SHANK2: variants seen among roughly 807,000 people sequenced by gnomAD.
The protein encoded by SHANK2 is SH3 and multiple ankyrin repeat domains protein 2.
Under a neutral mutation model 133.7 loss-of-function variants are expected in SHANK2, and 43 were observed. The ratio of observed to expected loss-of-function variants is 0.32; its 90% CI spans 0.25 to 0.41. The LOEUF (loss-of-function observed/expected upper bound fraction) is 0.41, where lower values mean the gene tolerates loss of function less well. Ranked by LOEUF, SHANK2 falls within the 10% of genes least tolerant of loss-of-function variation. SHANK2 has a pLI of 1.00. For missense variants in SHANK2, 1,994 were observed against 2,235.8 expected, an observed-to-expected ratio of 0.89 and a Z score of 2.18; for synonymous variants, 1,017 against 952.8, an observed-to-expected ratio of 1.07 and a Z score of -1.24.
intron 11 of SHANK2, among the ~76,000 whole-genome samples, chr11:70,821,095 G>A (rs1192019016): frequency 6.6e-6 from 1 of 152,166 alleles, no homozygotes; most frequent in Non-Finnish European, 1.5e-5. Flanking sequence ...GAGCCTCTGG[G>A]GTGGGCTGAA....
intron 17 of SHANK2, among the ~76,000 whole-genome samples, chr11:70,561,000 A>G (rs1470669382): frequency 6.6e-6 from 1 of 152,228 alleles, no homozygotes; most frequent in Non-Finnish European, 1.5e-5. Context: ...GAGAAAAGAG[A>G]GCGCAGAGAT....
At chr11:70,620,902 C>T (rs1462713274) in intron 17 of SHANK2, among the ~76,000 whole-genome samples, 1 of 152,200 alleles carries the variant, frequency 6.6e-6, no homozygotes, top group Non-Finnish European at 1.5e-5. Context: ...CTTCTAGTCT[C>T]CAAATAAATG....
At chr11:71,227,678 T>C (rs10792565) in intron 1 of SHANK2, among the ~76,000 whole-genome samples, 1 of 151,888 alleles carries the variant, frequency 6.6e-6, no homozygotes, top group South Asian at 2.1e-4. Context: ...TCAGCAAGGA[T>C]ACAGAACTCA....
chr11:71,062,115 C>T lies in SHANK2; in HGVS notation c.1030-5557G>A, dbSNP rs954058866. ...GGATTACAGGCGCACGCCACCATGC[C>T]GGGCTAATTTTTGTATTTTCTGTAG... On this transcript the variant is annotated intron_variant, in intron 9 of 25. Transcript: ENST00000601538. 7.9e-5 allele frequency among the ~76,000 whole-genome samples: 12 copies of T among 151,486 alleles called. No individual in the cohort carries two copies. The East Asian group carries it at 1.4e-3, about 17-fold the overall frequency.
Position 70,473,012 on chromosome 11 carries a change from G to A in SHANK2, c.5407C>T (p.His1803Tyr). The change falls in exon 26 of 26, where the codon CAT (histidine) becomes TAT (tyrosine). Residue 1803 changes from histidine (H) to tyrosine (Y), a missense_variant. Around this residue, in one of 5 missense-constraint regions of SHANK2, gnomAD observed 42 missense variants for 79.9 expected, o/e 0.53. Coordinates refer to ENST00000601538, the MANE Select transcript of SHANK2 (RefSeq NM_012309.5). This position sits in a 1 kb window ranked among gnomAD's most constrained non-coding sequence, Gnocchi z 5.9. ...DWLESLNLGE[H>Y]KEAFMDNEID... ...TCATTGTCCATGAAGGCCTCTTTAT[G>A]TTCACCCAAGTTTAGACTTTCCAGC... is the stretch of plus-strand genomic sequence containing the variant. 6.2e-7 allele frequency: 1 copy of A among 1,614,240 alleles called. No homozygotes were observed. Among genetic ancestry groups the A allele is most frequent in the Non-Finnish European group, 8.5e-7 (1 of 1,180,040 alleles).
chr11:70,561,726 G>GC (rs1164203815), intron 17 of SHANK2, among the ~76,000 whole-genome samples: 3 of 150,432 alleles, frequency 2.0e-5, no homozygotes, highest in Admixed American at 1.3e-4. Context: ...TGGCAGGGGG[G>GC]GTCTCACTAT....
In SHANK2 at chr11:70,611,921, G is replaced by C. The variant is rs376133822; in HGVS notation, c.2061+47907C>G. ...AACTGGGCTGCTGCTGAAAGGGAAC[G>C]AGAAGCCTCGTTCCAAATTTACTTG... is the stretch of plus-strand genomic sequence containing the variant. On this transcript the variant is annotated intron_variant, in intron 17 of 25. Transcript: ENST00000601538. Among the ~76,000 whole-genome samples the C allele has an allele frequency of 4.6e-4, 65 of 139,930 alleles. 1 individual carries two copies. In the South Asian group the frequency reaches 0.016, roughly 34 times the overall value. The allele number at this position is 139,930 out of a possible 152,430, so 91.8% of individuals were successfully genotyped here.
intron 11 of SHANK2, among the ~76,000 whole-genome samples, chr11:70,842,673 C>T (rs561439492): frequency 1.3e-5 from 2 of 152,310 alleles, no homozygotes; most frequent in Admixed American, 6.5e-5. Flanking sequence ...TGCTGTGCCA[C>T]CTGGGATTCT....
In SHANK2 at chr11:70,832,257, T is replaced by TA. The variant is rs371401918; in HGVS notation, c.1175-11576dup. Among the ~76,000 whole-genome samples the TA allele has an allele frequency of 5.1e-3, 770 of 152,338 alleles. 5 individuals are homozygous for TA. The highest frequency in any genetic ancestry group is 0.017 in the African/African-American group (719 of 41,562). ...TCCCTGAATGAATACATTTAAGTTT[T>TA]AAAAAATCTGTAAGTGGATAGCAAG... On this transcript the variant is annotated intron_variant, in intron 11 of 25. Coordinates refer to ENST00000601538, the MANE Select transcript of SHANK2 (RefSeq NM_012309.5).
intron 1 of SHANK2, among the ~76,000 whole-genome samples, chr11:71,239,498 T>C (rs1039247518): frequency 2.0e-5 from 3 of 152,168 alleles, no homozygotes; most frequent in South Asian, 4.1e-4. Context: ...CTCACTATGC[T>C]GCCCAGGCTG....
chr11:70,499,255 G>A (rs527270764), intron 21 of SHANK2, among the ~76,000 whole-genome samples: 6 of 152,380 alleles, frequency 3.9e-5, no homozygotes, highest in Admixed American at 6.5e-5. Context: ...GCTGGGCCAC[G>A]GCTGCTGGTC....
intron 4 of SHANK2, among the ~76,000 whole-genome samples, chr11:71,114,287 C>T (rs906991074): frequency 6.6e-6 from 1 of 152,186 alleles, no homozygotes; most frequent in African/African-American, 2.4e-5. Context: ...TCTCTCCCTC[C>T]TTACTGCCCT....
intron 11 of SHANK2, 87 bp downstream of exon 11, chr11:70,896,411 TAGG>T: frequency 1.6e-6 from 1 of 635,790 alleles, no homozygotes; most frequent in Non-Finnish European, 2.9e-6. Context: ...AAACCAATCT[TAGG>T]AGAATTTTAA....
chr11:70,796,144 G>A (rs1487217325), intron 14 of SHANK2, among the ~76,000 whole-genome samples: 1 of 152,118 alleles, frequency 6.6e-6, no homozygotes, highest in Non-Finnish European at 1.5e-5. Flanking sequence ...GCCCTGGGTG[G>A]GGACCCTGTC....
chr11:70,952,258 G>T lies in SHANK2; in HGVS notation c.1108-55691C>A, dbSNP rs116349789. Among the ~76,000 whole-genome samples the T allele has an allele frequency of 5.9e-3, 904 of 152,328 alleles. 8 individuals carry two copies. Among genetic ancestry groups the T allele is most frequent in the African/African-American group, 0.021 (865 of 41,570 alleles). On this transcript the variant is annotated intron_variant, in intron 10 of 25. Coordinates refer to ENST00000601538, the MANE Select transcript of SHANK2 (RefSeq NM_012309.5). The stretch of plus-strand genomic sequence containing the variant: ...GGGCGTCTCTCCTGGCCGAGGTCTT[G>T]TGCCTCAGTAAATGCAGACCCAAAA...
chr11:70,658,104 G>C (rs2061425910), intron 17 of SHANK2, among the ~76,000 whole-genome samples: 3 of 151,702 alleles, frequency 2.0e-5, no homozygotes, highest in Admixed American at 2.0e-4. Context: ...AACCAAGAGT[G>C]ACCTATTTCA....
chr11:70,669,300 G>A (rs567452077), intron 15 of SHANK2: 1 of 152,452 alleles, frequency 6.6e-6, no homozygotes, highest in South Asian at 2.1e-4. Flanking sequence ...TCCATGCAGG[G>A]TGGGGCTTCC....
intron 1 of SHANK2, among the ~76,000 whole-genome samples, chr11:71,245,893 G>A (rs1468610501): frequency 6.6e-6 from 1 of 152,232 alleles, no homozygotes; most frequent in East Asian, 1.9e-4. Context: ...CAGGAGCCCG[G>A]CTGGCCCAGG....
chr11:70,591,500 C>T (rs187435499), intron 17 of SHANK2, among the ~76,000 whole-genome samples: 4 of 152,074 alleles, frequency 2.6e-5, no homozygotes, highest in Admixed American at 6.6e-5. Flanking sequence ...TGGACTCAAA[C>T]GCTGTCAACT....
Sources: gnomAD v4.1 joint callset for allele counts (sites outside exome capture counted in the v4.1 genomes callset) on GRCh38, gnomAD v4.1.1 for gene constraint, gnomAD v4.1.1 regional missense constraint, Gnocchi (gnomAD v3.1) non-coding constraint, MANE v1.5 for transcripts, NCBI Gene and HGNC (gene_info 2026-07-23, HGNC 2026-07-21) for gene names.